ZFAND3: variants seen among roughly 807,000 people sequenced by gnomAD.
ZFAND3 encodes the protein AN1-type zinc finger protein 3.
Under a neutral mutation model 29.6 loss-of-function variants are expected in ZFAND3, and 10 were observed. The ratio of observed to expected loss-of-function variants is 0.34; its 90% CI spans 0.21 to 0.57. The LOEUF is 0.57. ZFAND3 is among the 20% of genes least tolerant of loss of function. ZFAND3 has a pLI of 0.86. For missense variants in ZFAND3, 230 were observed against 304.5 expected, an observed-to-expected ratio of 0.76 and a Z score of 1.82; for synonymous variants, 128 against 112.6, an observed-to-expected ratio of 1.14 and a Z score of -0.87.
intron 2 of ZFAND3, among the ~76,000 whole-genome samples, chr6:37,974,101 C>T (rs1042302218): frequency 3.9e-5 from 6 of 152,204 alleles, no homozygotes; most frequent in Non-Finnish European, 4.4e-5. Flanking sequence ...CCTTTACCTT[C>T]ATTATTTTCT....
chr6:37,868,811 TTTTC>T (rs1159011895), intron 1 of ZFAND3, among the ~76,000 whole-genome samples: 2 of 152,242 alleles, frequency 1.3e-5, no homozygotes, highest in East Asian at 3.8e-4. Context: ...CGTGCTCATG[TTTTC>T]TTTGTCACAA....
intron 2 of ZFAND3, among the ~76,000 whole-genome samples, chr6:38,050,852 C>A (rs11757072): frequency 6.6e-6 from 1 of 152,044 alleles, no homozygotes; most frequent in Non-Finnish European, 1.5e-5. Context: ...TAAGGGAAAA[C>A]GTGTCTCAAA....
intron 2 of ZFAND3, among the ~76,000 whole-genome samples, chr6:37,944,198 A>G (rs1349789954): frequency 6.6e-6 from 1 of 152,212 alleles, no homozygotes; most frequent in South Asian, 2.1e-4. Context: ...TTATTTAAAT[A>G]TGACAGTTGG....
chr6:37,983,872 A>G (rs148453213), intron 2 of ZFAND3, among the ~76,000 whole-genome samples: 25 of 152,336 alleles, frequency 1.6e-4, no homozygotes, highest in Admixed American at 2.0e-4. Context: ...AGTTCACTCT[A>G]TGATGTTCAC....
At chr6:37,880,086 T>A (rs1388608763) in intron 1 of ZFAND3, among the ~76,000 whole-genome samples, 1 of 152,216 alleles carries the variant, frequency 6.6e-6, no homozygotes, top group African/African-American at 2.4e-5. Flanking sequence ...TGTTTTTCTT[T>A]TCTCCTTTCT....
intron 1 of ZFAND3, among the ~76,000 whole-genome samples, chr6:37,873,133 C>T (rs763686317): frequency 8.7e-4 from 132 of 152,232 alleles, no homozygotes; most frequent in Non-Finnish European, 1.6e-3. Context: ...TAGCCAGGCG[C>T]GGTGGCGGGT....
At chr6:37,967,875 C>T (rs1483268483) in intron 2 of ZFAND3, among the ~76,000 whole-genome samples, 1 of 152,058 alleles carries the variant, frequency 6.6e-6, no homozygotes, top group African/African-American at 2.4e-5. Flanking sequence ...TTGATGTAGT[C>T]ACCCTTTTCT....
chr6:38,036,709 C>A (rs1763664240), intron 2 of ZFAND3, among the ~76,000 whole-genome samples: 2 of 152,108 alleles, frequency 1.3e-5, no homozygotes, highest in Non-Finnish European at 2.9e-5. Context: ...AAGAAACTAA[C>A]TTGACAAGCA....
At chr6:37,944,634 G>T (rs928956004) in intron 2 of ZFAND3, among the ~76,000 whole-genome samples, 1 of 152,200 alleles carries the variant, frequency 6.6e-6, no homozygotes, top group African/African-American at 2.4e-5. Context: ...GACCTACAGC[G>T]TATATCACGT....
At chr6:38,111,538 C>T (rs1046828611) in intron 4 of ZFAND3, among the ~76,000 whole-genome samples, 3 of 152,174 alleles carry the variant, frequency 2.0e-5, no homozygotes, top group East Asian at 3.8e-4. Flanking sequence ...ACTCCTCCTT[C>T]GTCTCCTCCT....
At chr6:37,876,248 ATTTC>A (rs1312762946) in intron 1 of ZFAND3, among the ~76,000 whole-genome samples, 1 of 152,150 alleles carries the variant, frequency 6.6e-6, no homozygotes, top group African/African-American at 2.4e-5. Context: ...TTTTGTTTTC[ATTTC>A]TTTGACAACT....
chr6:37,872,473 C>T (rs1234504541), intron 1 of ZFAND3, among the ~76,000 whole-genome samples: 2 of 152,044 alleles, frequency 1.3e-5, no homozygotes, highest in East Asian at 1.9e-4. Context: ...CATACACACC[C>T]GCAGTAGGGA....
chr6:37,828,786 G>C (rs1014324748), intron 1 of ZFAND3, among the ~76,000 whole-genome samples: 1 of 152,132 alleles, frequency 6.6e-6, no homozygotes, highest in Admixed American at 6.5e-5. Context: ...GAGTAGCTGG[G>C]ACTACAGGTG....
intron 1 of ZFAND3, among the ~76,000 whole-genome samples, chr6:37,915,972 T>A (rs1200701197): frequency 2.0e-5 from 3 of 151,968 alleles, no homozygotes; most frequent in Non-Finnish European, 4.4e-5. Flanking sequence ...TTTCACCATG[T>A]TGGTCAGGCT....
At chr6:37,896,514 T>TTTCTTTC (rs1554153804) in intron 1 of ZFAND3, among the ~76,000 whole-genome samples, 5 of 109,178 alleles carry the variant, frequency 4.6e-5, no homozygotes, top group South Asian at 6.6e-4. Context: ...TTCCTCTTTC[T>TTTCTTTC]TTTCTTTCTT....
intron 2 of ZFAND3, among the ~76,000 whole-genome samples, chr6:37,947,723 A>G (rs1055223281): frequency 3.4e-5 from 2 of 59,674 alleles, no homozygotes; most frequent in Non-Finnish European, 7.9e-5. Context: ...TTGATTTATC[A>G]GTTGTACACA....
intron 2 of ZFAND3, among the ~76,000 whole-genome samples, chr6:37,995,891 C>T (rs1762840976): frequency 3.3e-5 from 5 of 152,078 alleles, no homozygotes; most frequent in Admixed American, 3.3e-4. Flanking sequence ...CTTTGGGAGG[C>T]CGAGGCAGGT....
chr6:38,076,148 C>T (rs530336987), intron 3 of ZFAND3, among the ~76,000 whole-genome samples: 2 of 152,196 alleles, frequency 1.3e-5, no homozygotes, highest in East Asian at 3.9e-4. Context: ...AAGTAAGATC[C>T]TTCACTAGCA....
intron 1 of ZFAND3, among the ~76,000 whole-genome samples, chr6:37,829,537 A>G (rs1168570445): frequency 6.6e-6 from 1 of 152,250 alleles, no homozygotes; most frequent in Non-Finnish European, 1.5e-5. Context: ...TCCGGCTCGA[A>G]AAATGAAATG....
Sources: gnomAD v4.1 joint callset for allele counts (sites outside exome capture counted in the v4.1 genomes callset) on GRCh38, gnomAD v4.1.1 for gene constraint, MANE v1.5 for transcripts, NCBI Gene and HGNC (gene_info 2026-07-23, HGNC 2026-07-21) for gene names.